MACROD2: variants seen among roughly 807,000 people sequenced by gnomAD.
MACROD2 encodes mono-ADP ribosylhydrolase 2.
A neutral mutation model predicts 70.4 loss-of-function variants in MACROD2; 36 were observed. The observed-to-expected ratio is 0.51, with a 90% CI of 0.39 to 0.68. The LOEUF is 0.68. Among genes scored for constraint, MACROD2 ranks in the 30% least tolerant of loss-of-function variants. The pLI is 0.00. For missense variants in MACROD2, 496 were observed against 538.4 expected, an observed-to-expected ratio of 0.92 and a Z score of 0.78; for synonymous variants, 172 against 178.8, an observed-to-expected ratio of 0.96 and a Z score of 0.30.
Position 14,306,614 on chromosome 20 carries a change from C to T in MACROD2, c.272-186865C>T, listed in dbSNP as rs2082523028. On this transcript the variant is annotated intron_variant, in intron 3 of 17. Transcript: ENST00000684519. Reference sequence around the variant, plus strand: ...AATTGGCAATTGATATTTAGGGGGTCTTCAAGCCAGCACCTCATTCTCAAA... The same window carrying T: ...AATTGGCAATTGATATTTAGGGGGTTTTCAAGCCAGCACCTCATTCTCAAA... Among the ~76,000 whole-genome samples, 2 of 152,062 alleles carry T rather than the reference C, an allele frequency of 1.3e-5. 1 individual carries two copies. The highest frequency in any genetic ancestry group is 1.3e-4 in the Admixed American group (2 of 15,238).
chr20:15,010,088 T>C (rs145569421), intron 5 of MACROD2, among the ~76,000 whole-genome samples: 25 of 152,250 alleles, frequency 1.6e-4, no homozygotes, highest in African/African-American at 5.5e-4. Flanking sequence ...ATTTGAGCAG[T>C]GTTGAGGGGT....
intron 4 of MACROD2, among the ~76,000 whole-genome samples, chr20:14,652,647 A>G (rs1600501485): frequency 1.3e-5 from 2 of 152,216 alleles, no homozygotes; most frequent in Admixed American, 1.3e-4. Flanking sequence ...GGCTCACTCA[A>G]GACCACCAGG....
At chr20:14,018,770 G>A (rs142007366) in intron 2 of MACROD2, among the ~76,000 whole-genome samples, 313 of 152,232 alleles carry the variant, frequency 2.1e-3, no homozygotes, top group South Asian at 7.7e-3. Flanking sequence ...TCTCATCTGG[G>A]TCACCGGAAT....
At chr20:14,880,499 A>G (rs1247108236) in intron 5 of MACROD2, among the ~76,000 whole-genome samples, 3 of 152,172 alleles carry the variant, frequency 2.0e-5, no homozygotes, top group East Asian at 1.9e-4. Flanking sequence ...TCCCCGAGGA[A>G]CTTAAGAGAG....
intron 8 of MACROD2, among the ~76,000 whole-genome samples, chr20:15,677,895 A>G (rs1011389977): frequency 1.3e-5 from 2 of 152,078 alleles, no homozygotes; most frequent in African/African-American, 2.4e-5. Context: ...GGTAAACCCC[A>G]TCTCTACTAA....
At chr20:15,877,918 T>C (rs1323392221) in intron 9 of MACROD2, among the ~76,000 whole-genome samples, 5 of 152,090 alleles carry the variant, frequency 3.3e-5, no homozygotes, top group African/African-American at 9.7e-5. Flanking sequence ...TCCTGAAAAT[T>C]TGACAAGGGA....
At chr20:15,336,863 G>A (rs556653084) in intron 6 of MACROD2, among the ~76,000 whole-genome samples, 16 of 151,838 alleles carry the variant, frequency 1.1e-4, no homozygotes, top group Admixed American at 9.2e-4. Context: ...TGTGTGAGGT[G>A]AGGAGGGTGT....
At chr20:14,765,874 T>C (rs1476532725) in intron 5 of MACROD2, among the ~76,000 whole-genome samples, 1 of 152,024 alleles carries the variant, frequency 6.6e-6, no homozygotes, top group Non-Finnish European at 1.5e-5. Flanking sequence ...CCTTCAGTTA[T>C]GAAAACCTTA....
At chr20:14,012,766 A>T (rs150980379) in intron 2 of MACROD2, among the ~76,000 whole-genome samples, 1 of 152,240 alleles carries the variant, frequency 6.6e-6, no homozygotes. Flanking sequence ...TATGCAATTT[A>T]TTGGAGAGAC....
At chr20:15,140,726 C>A (rs563168922) in intron 5 of MACROD2, among the ~76,000 whole-genome samples, 5 of 152,216 alleles carry the variant, frequency 3.3e-5, no homozygotes, top group Middle Eastern at 3.4e-3. Flanking sequence ...AGACAAGTTG[C>A]TGAAGAACAG....
At chr20:15,527,977 G>C (rs1455398292) in intron 8 of MACROD2, among the ~76,000 whole-genome samples, 1 of 152,128 alleles carries the variant, frequency 6.6e-6, no homozygotes, top group South Asian at 2.1e-4. Context: ...ATAAAGACAA[G>C]GATTTTTGAT....
intron 5 of MACROD2, among the ~76,000 whole-genome samples, chr20:14,742,595 G>C (rs917767616): frequency 6.6e-6 from 1 of 150,734 alleles, no homozygotes; most frequent in Non-Finnish European, 1.5e-5. Flanking sequence ...TTTTAATAAG[G>C]GTTAAAATCA....
chr20:15,687,334 A>G (rs930381926), intron 8 of MACROD2, among the ~76,000 whole-genome samples: 1 of 151,820 alleles, frequency 6.6e-6, no homozygotes, highest in Admixed American at 6.6e-5. Context: ...TGCTGACAAC[A>G]TAATAAGCAC....
At chr20:14,747,066 C>A (rs1328152409) in intron 5 of MACROD2, among the ~76,000 whole-genome samples, 1 of 152,166 alleles carries the variant, frequency 6.6e-6, no homozygotes, top group Non-Finnish European at 1.5e-5. Flanking sequence ...ATCATATGTC[C>A]AGTCCTCATG....
rs1032375231 is a variant in MACROD2, at chr20:14,212,786, A to G, written c.271+127058A>G. On this transcript the variant is annotated intron_variant, in intron 3 of 17. Coordinates refer to ENST00000684519, the MANE Select transcript of MACROD2 (RefSeq NM_001351661.2). ...AATTATCTAGTATGGAGCTCAGCTC[A>G]TAGTAAGAGCTTGAGTGTTTCTCAA... Among the ~76,000 whole-genome samples the G allele has an allele frequency of 2.6e-5, 4 of 151,530 alleles. No homozygotes were observed. The East Asian group carries it at 5.8e-4, about 22-fold the overall frequency.
rs535653179 is a variant in MACROD2, at chr20:15,811,725, A to T, written c.646-51020A>T. On this transcript the variant is annotated intron_variant, in intron 8 of 17. Coordinates refer to ENST00000684519, the MANE Select transcript of MACROD2 (RefSeq NM_001351661.2). ...ATGGATAAGATAGTTTCATAAGTGTAAAGGCAGAGAGAATTCAGAGTAGGG... is the reference window on the plus strand; with the variant it reads ...ATGGATAAGATAGTTTCATAAGTGTTAAGGCAGAGAGAATTCAGAGTAGGG... 2.8e-4 allele frequency among the ~76,000 whole-genome samples: 42 copies of T among 152,266 alleles called. No individual in the cohort carries two copies. In the South Asian group the frequency reaches 8.3e-3, roughly 30 times the overall value.
rs370837948 is a variant in MACROD2 at position 15,866,140 on chromosome 20, T to C, written c.727+3314T>C. ...AAGAATGGAGGCTGGCCAGGCACAG[T>C]GGCTCATGCCTGTAGAAGGAGGATT... On this transcript the variant is annotated intron_variant, in intron 9 of 17. Transcript: ENST00000684519. 3.7e-4 allele frequency among the ~76,000 whole-genome samples: 56 copies of C among 152,308 alleles called. No homozygotes were observed. In the East Asian group the frequency reaches 6.0e-3, roughly 16 times the overall value.
chr20:14,103,781 A>G (rs1473794409), intron 3 of MACROD2, among the ~76,000 whole-genome samples: 1 of 152,150 alleles, frequency 6.6e-6, no homozygotes, highest in African/African-American at 2.4e-5. Context: ...TAGCTACATG[A>G]TATTCAATCA....
At chr20:15,933,510 G>T in intron 11 of MACROD2, 172 bp downstream of exon 11, 1 of 543,692 alleles carries the variant, frequency 1.8e-6, no homozygotes, top group Non-Finnish European at 3.2e-6. Flanking sequence ...TGAGTTGAGT[G>T]CTTTCAAACA....
Sources: gnomAD v4.1 joint callset for allele counts (sites outside exome capture counted in the v4.1 genomes callset) on GRCh38, gnomAD v4.1.1 for gene constraint, MANE v1.5 for transcripts, NCBI Gene and HGNC (gene_info 2026-07-23, HGNC 2026-07-21) for gene names.